The following MICAL2 variants were observed in gnomAD, a reference collection of about 807,000 sequenced individuals.
MICAL2 encodes the protein [F-actin]-monooxygenase MICAL2.
Under a neutral mutation model 127.3 loss-of-function variants are expected in MICAL2, and 77 were observed. The observed-to-expected ratio is 0.60, with a 90% confidence interval of 0.50 to 0.73. The LOEUF is 0.73. MICAL2 is among the 30% of genes least tolerant of loss of function. The pLI is 0.00. For missense variants in MICAL2, 1,351 were observed against 1,434.4 expected (o/e 0.94, Z 0.94); for synonymous variants, 570 against 551.1 (o/e 1.03, Z -0.48).
intron 2 of MICAL2, among the ~76,000 whole-genome samples, chr11:12,144,333 G>T (rs1307413382): frequency 6.6e-6 from 1 of 152,178 alleles, no homozygotes; most frequent in Non-Finnish European, 1.5e-5. Context: ...ATGATGGGAG[G>T]CTGTCTCCCT....
At chr11:12,145,469 G>C (rs1279202210) in intron 2 of MICAL2, among the ~76,000 whole-genome samples, 2 of 152,160 alleles carry the variant, frequency 1.3e-5, no homozygotes, top group Non-Finnish European at 2.9e-5. Context: ...GCTGGCCCTG[G>C]AGAAAGCAGG....
intron 3 of MICAL2, among the ~76,000 whole-genome samples, chr11:12,182,189 A>G (rs1047737468): frequency 6.6e-6 from 1 of 152,236 alleles, no homozygotes; most frequent in Non-Finnish European, 1.5e-5. Context: ...TAAAGAAAAT[A>G]TTCTGAGAAG....
intron 1 of MICAL2, among the ~76,000 whole-genome samples, chr11:12,125,663 A>C (rs892618487): frequency 2.0e-5 from 3 of 152,196 alleles, no homozygotes; most frequent in African/African-American, 7.2e-5. Context: ...GCTATCAGTT[A>C]ATGTAAACAA....
chr11:12,172,655 G>A (rs1001159286), intron 3 of MICAL2, among the ~76,000 whole-genome samples: 1 of 152,042 alleles, frequency 6.6e-6, no homozygotes, highest in African/African-American at 2.4e-5. Flanking sequence ...CACTTTGAAG[G>A]GTGAGAAAAA....
chr11:12,191,829 A>G (rs146841546), intron 3 of MICAL2, among the ~76,000 whole-genome samples: 28 of 152,304 alleles, frequency 1.8e-4, no homozygotes, highest in African/African-American at 6.7e-4. Flanking sequence ...CAGAAAATAA[A>G]TGGAAATGTG....
chr11:12,196,093 T>A (rs1200097925), intron 3 of MICAL2: 1 of 153,456 alleles, frequency 6.5e-6, no homozygotes, highest in Non-Finnish European at 1.5e-5. Flanking sequence ...AAAGGAGAGA[T>A]GGCCATGACT....
chr11:12,196,754 C>A (rs1190963209), intron 3 of MICAL2, among the ~76,000 whole-genome samples: 1 of 152,160 alleles, frequency 6.6e-6, no homozygotes, highest in Non-Finnish European at 1.5e-5. Flanking sequence ...AAAGTCCAAA[C>A]TCTTCAGTCT....
rs574115682 is a variant in MICAL2, at chr11:12,122,700, C to T, written c.-149+11974C>T. ...CTGGGATTACAGGAGTGAGCCACCG[C>T]GCCTGGCCTGCCTTTAATGACTTTT... On this transcript the variant is annotated intron_variant, in intron 1 of 27. Coordinates refer to ENST00000683283, the MANE Select transcript of MICAL2 (RefSeq NM_001282663.2). 5.9e-5 allele frequency among the ~76,000 whole-genome samples: 9 copies of T among 152,290 alleles called. No individual in the cohort carries two copies. The East Asian group carries it at 9.6e-4, about 16-fold the overall frequency.
At chr11:12,292,090 CT>C, downstream of MICAL2, 2 of 1,563,190 alleles carry the variant, frequency 1.3e-6, no homozygotes. Flanking sequence ...CTCCTCTTTT[CT>C]TGATAAAATA....
intron 3 of MICAL2, among the ~76,000 whole-genome samples, chr11:12,186,334 A>G (rs1237079418): frequency 1.3e-5 from 2 of 152,096 alleles, no homozygotes; most frequent in African/African-American, 4.8e-5. Context: ...TGGGCCTTAG[A>G]CCCTTTAAAA....
chr11:12,296,517 A>G (rs1863987494), downstream of MICAL2, among the ~76,000 whole-genome samples: 1 of 149,114 alleles, frequency 6.7e-6, no homozygotes, highest in African/African-American at 2.4e-5. Flanking sequence ...TGCATAACAC[A>G]TTAAATTTTG....
intron 15 of MICAL2, among the ~76,000 whole-genome samples, chr11:12,227,660 A>G (rs1857652772): frequency 6.6e-6 from 1 of 152,242 alleles, no homozygotes; most frequent in Non-Finnish European, 1.5e-5. Flanking sequence ...TGAATAATAT[A>G]TGGACCTTGC....
chr11:12,230,993 C>T (rs769337716), intron 15 of MICAL2, among the ~76,000 whole-genome samples: 1 of 152,160 alleles, frequency 6.6e-6, no homozygotes, highest in South Asian at 2.1e-4. Flanking sequence ...GATCTAAAAG[C>T]CTCATGGCAT....
intron 29 of MICAL2, among the ~76,000 whole-genome samples, chr11:12,315,794 G>A (rs955150473): frequency 1.3e-5 from 2 of 152,108 alleles, no homozygotes; most frequent in Admixed American, 6.5e-5. Flanking sequence ...TTACTTTTGT[G>A]TACTTATTCT....
At chr11:12,224,619 C>A (rs1293426854) in intron 12 of MICAL2, 54 bp from the exon 13 acceptor site, 4 of 1,584,966 alleles carry the variant, frequency 2.5e-6, no homozygotes, top group Non-Finnish European at 3.4e-6. Flanking sequence ...AGCGCCAGGG[C>A]AGACCGTGTG....
At chr11:12,146,175 A>G (rs1455720047) in intron 2 of MICAL2, among the ~76,000 whole-genome samples, 1 of 152,198 alleles carries the variant, frequency 6.6e-6, no homozygotes, top group Non-Finnish European at 1.5e-5. Context: ...CATGTCTAAA[A>G]CACCAAAAGC....
At chr11:12,240,209 G>A (rs3794082) in intron 17 of MICAL2, among the ~76,000 whole-genome samples, 26,554 of 152,130 alleles carry the variant, frequency 0.17, 2,412 homozygotes, top group South Asian at 0.27. Context: ...GTTAGTGTGA[G>A]GCTGGAGGAG....
chr11:12,129,543 C>G (rs1590004425), intron 1 of MICAL2, among the ~76,000 whole-genome samples: 1 of 152,066 alleles, frequency 6.6e-6, no homozygotes, highest in Non-Finnish European at 1.5e-5. Flanking sequence ...TTCATCATTT[C>G]CCCCTTAGCC....
chr11:12,139,874 G>T (rs945610823), intron 2 of MICAL2, among the ~76,000 whole-genome samples: 3 of 152,128 alleles, frequency 2.0e-5, no homozygotes, highest in African/African-American at 7.2e-5. Flanking sequence ...TTTTTGTTTT[G>T]TTCTGTTTCT....
Sources: gnomAD v4.1 joint callset for allele counts (sites outside exome capture counted in the v4.1 genomes callset) on GRCh38, gnomAD v4.1.1 for gene constraint, MANE v1.5 for transcripts, NCBI Gene and HGNC (gene_info 2026-07-23, HGNC 2026-07-21) for gene names.